VEZT: variants seen among roughly 807,000 people sequenced by gnomAD.
VEZT encodes the protein vezatin, adherens junctions transmembrane protein.
Under a neutral mutation model 79.9 loss-of-function variants are expected in VEZT, and 39 were observed. The ratio of observed to expected loss-of-function variants is 0.49; its 90% CI spans 0.38 to 0.64. The LOEUF is 0.64. Among genes scored for constraint, VEZT ranks in the 30% least tolerant of loss-of-function variants. VEZT has a pLI of 0.00. For synonymous variants in VEZT, 325 were observed against 327.6 expected, an observed-to-expected ratio of 0.99 and a Z score of 0.09; for missense variants, 837 against 893.1, an observed-to-expected ratio of 0.94 and a Z score of 0.80.
chr12:95,234,372 C>T (rs1348269032), intron 1 of VEZT, among the ~76,000 whole-genome samples: 1 of 151,750 alleles, frequency 6.6e-6, no homozygotes, highest in Non-Finnish European at 1.5e-5. Flanking sequence ...ACCGCAACCT[C>T]CCCGCCGGCC....
rs1220197475 is a variant in VEZT, at chr12:95,301,994, C to G, written c.*1321C>G. On this transcript the variant is annotated 3_prime_UTR_variant, in exon 12 of 12. Transcript: ENST00000436874. ...ACTATAAGTGATTTTGCCTTTTTGC[C>G]AAAATCCTGGAACTCATCTATAATT... 6.6e-6 allele frequency: 1 copy of G among 152,038 alleles called. No individual in the cohort carries two copies. Among genetic ancestry groups the G allele is most frequent in the East Asian group, 1.9e-4 (1 of 5,194 alleles). The allele number at this position is 152,038 out of a possible 1,614,324, so 9.4% of individuals were successfully genotyped here.
intron 1 of VEZT, among the ~76,000 whole-genome samples, chr12:95,239,352 A>T (rs904424676): frequency 9.2e-5 from 14 of 152,258 alleles, no homozygotes; most frequent in African/African-American, 3.1e-4. Context: ...CTAGTGCCTG[A>T]CACAGAGTAG....
chr12:95,217,916 T>TAA, intron 1 of VEZT, 30 bp downstream of exon 1: 1 of 1,479,224 alleles, frequency 6.8e-7, no homozygotes, highest in African/African-American at 1.5e-5. Flanking sequence ...GGGTGTGGAT[T>TAA]GCCTTTGTTT....
chr12:95,274,190 C>T (rs748399885), intron 6 of VEZT, among the ~76,000 whole-genome samples: 2 of 152,146 alleles, frequency 1.3e-5, no homozygotes, highest in Non-Finnish European at 2.9e-5. Context: ...CGGAGCTGAG[C>T]GCAGTGACTC....
chr12:95,248,815 C>T (rs2062064255), intron 1 of VEZT, among the ~76,000 whole-genome samples: 1 of 119,626 alleles, frequency 8.4e-6, no homozygotes, highest in Admixed American at 8.5e-5. Context: ...CAGTGAGACC[C>T]TATCTCAAAA....
At chr12:95,227,262 G>A (rs1477213769) in intron 1 of VEZT, among the ~76,000 whole-genome samples, 1 of 151,914 alleles carries the variant, frequency 6.6e-6, no homozygotes, top group Non-Finnish European at 1.5e-5. Flanking sequence ...CCAGGCTCAG[G>A]TGATTATCTC....
chr12:95,261,125 C>G (rs1170487422), intron 3 of VEZT, among the ~76,000 whole-genome samples: 1 of 151,570 alleles, frequency 6.6e-6, no homozygotes, highest in East Asian at 1.9e-4. Flanking sequence ...TATTAAAAAT[C>G]TTCTTCTCTA....
intron 9 of VEZT, among the ~76,000 whole-genome samples, chr12:95,289,130 A>AAATAAATAAATG (rs1321131943): frequency 6.8e-6 from 1 of 147,542 alleles, no homozygotes; most frequent in African/African-American, 2.5e-5. Flanking sequence ...ATAAATAAAT[A>AAATAAATAAATG]AAAAAGGCCA....
chr12:95,295,688 C>T (rs2073986869), intron 10 of VEZT, among the ~76,000 whole-genome samples: 1 of 152,126 alleles, frequency 6.6e-6, no homozygotes, highest in Admixed American at 6.5e-5. Context: ...CACAAGAAAA[C>T]AAACATGCCT....
At chr12:95,261,385 ATTTG>A (rs35101914) in intron 3 of VEZT, among the ~76,000 whole-genome samples, 1,852 of 151,984 alleles carry the variant, frequency 0.012, 42 homozygotes, top group African/African-American at 0.042. Flanking sequence ...CTAGTACTAA[ATTTG>A]TTTGTTTGGT....
At chr12:95,240,075 AG>A (rs2060814397) in intron 1 of VEZT, among the ~76,000 whole-genome samples, 1 of 148,212 alleles carries the variant, frequency 6.7e-6, no homozygotes, top group Non-Finnish European at 1.5e-5. Flanking sequence ...GAAGGAAGGA[AG>A]AAAAGAAAGA....
At chr12:95,291,649 C>A (rs945153652) in intron 9 of VEZT, among the ~76,000 whole-genome samples, 4 of 152,116 alleles carry the variant, frequency 2.6e-5, no homozygotes, top group African/African-American at 9.7e-5. Context: ...TTTGGCAAGC[C>A]CCTGCTTTCA....
chr12:95,299,027 C>T (rs2074782722), intron 11 of VEZT: 4 of 154,688 alleles, frequency 2.6e-5, no homozygotes, highest in Admixed American at 1.3e-4. Flanking sequence ...CTGCTGATAC[C>T]ATAGAATGCT....
At chr12:95,298,309 A>G (rs2074601606) in intron 11 of VEZT, among the ~76,000 whole-genome samples, 1 of 152,130 alleles carries the variant, frequency 6.6e-6, no homozygotes, top group South Asian at 2.1e-4. Flanking sequence ...GTGATAAAAT[A>G]TAAAGGAAGT....
intron 8 of VEZT, among the ~76,000 whole-genome samples, chr12:95,286,079 G>T (rs776904906): frequency 7.5e-6 from 1 of 132,640 alleles, no homozygotes; most frequent in Non-Finnish European, 1.5e-5. Context: ...TGCAACCTCT[G>T]CCTCCCACAT....
intron 1 of VEZT, among the ~76,000 whole-genome samples, chr12:95,226,534 A>T (rs923400036): frequency 1.3e-5 from 2 of 152,166 alleles, no homozygotes; most frequent in Non-Finnish European, 2.9e-5. Context: ...AATCATGCAG[A>T]GTTTTGGATA....
chr12:95,262,816 CACCAAATTTTATTAGT>C (rs2064790763), intron 3 of VEZT, 74 bp from the exon 4 acceptor site: 2 of 1,204,538 alleles, frequency 1.7e-6, no homozygotes, highest in Non-Finnish European at 2.2e-6. Flanking sequence ...AAATAAACAC[CACCAAATTTTATTAGT>C]ACATTAGGAG....
At chr12:95,250,285 T>A (rs113718731) in intron 1 of VEZT, among the ~76,000 whole-genome samples, 17,878 of 139,250 alleles carry the variant, frequency 0.13, 1,253 homozygotes, top group Middle Eastern at 0.24. Context: ...ATTTATTATT[T>A]TTTTTTTTAA....
chr12:95,245,052 G>A (rs2061540962), intron 1 of VEZT, among the ~76,000 whole-genome samples: 1 of 152,056 alleles, frequency 6.6e-6, no homozygotes, highest in Non-Finnish European at 1.5e-5. Flanking sequence ...GGCCAACATG[G>A]TGAAACCCCA....
Sources: gnomAD v4.1 joint callset for allele counts (sites outside exome capture counted in the v4.1 genomes callset) on GRCh38, gnomAD v4.1.1 for gene constraint, MANE v1.5 for transcripts, NCBI Gene and HGNC (gene_info 2026-07-23, HGNC 2026-07-21) for gene names.